ZNF469: variants seen among roughly 807,000 people sequenced by gnomAD.
ZNF469 encodes zinc finger protein 469.
A neutral mutation model predicts 1.0 loss-of-function variants in ZNF469; 1 was observed. The ratio of observed to expected loss-of-function variants is 1.00; its 90% CI spans 0.35 to 4.73. ZNF469 has a LOEUF of 4.73. Ranked by LOEUF, ZNF469 falls within the 30% of genes most tolerant of loss-of-function variation. The probability of loss-of-function intolerance (pLI) is 0.16; values close to 1 mark genes in which losing one functional copy is unlikely to be tolerated. For missense variants in ZNF469, 6,100 were observed against 5,356.3 expected (o/e 1.14, Z -4.33); for synonymous variants, 2,703 against 2,363.4 (o/e 1.14, Z -4.17).
chr16:88,432,582 G>T lies in ZNF469; in HGVS notation c.5112G>T (p.Lys1704Asn). 3.9e-6 allele frequency: 6 copies of T among 1,550,426 alleles called. No individual in the cohort carries two copies. The highest frequency in any genetic ancestry group is 5.2e-6 in the Non-Finnish European group (6 of 1,146,990). The change falls in exon 3 of 3, where the codon AAG becomes AAT. Residue 1704 changes from lysine to asparagine, a missense_variant. Lys to Asn is a moderately conservative substitution (Grantham distance 94). Transcript: ENST00000565624. ...FQPVQKAGAS[K>N]TGLCQAEGDS... ...CAGTGCAGAAAGCCGGAGCCTCCAAGACTGGACTTTGCCAGGCAGAAGGAG... is the reference window on the plus strand; with the variant it reads ...CAGTGCAGAAAGCCGGAGCCTCCAATACTGGACTTTGCCAGGCAGAAGGAG...
At chr16:88,361,547 T>G in the ZNF469 span, among the ~76,000 whole-genome samples, 4 of 151,742 alleles carry the variant, frequency 2.6e-5, no homozygotes, top group African/African-American at 9.8e-5. Context: ...TCTCTTTAAA[T>G]TATTTGCCCA....
chr16:88,229,638 T>TGTTGATGTAACGC, the ZNF469 span, among the ~76,000 whole-genome samples: 4 of 133,074 alleles, frequency 3.0e-5, no homozygotes, highest in Non-Finnish European at 6.2e-5. Context: ...GGATGTCACG[T>TGTTGATGTAACGC]GTGTGTGCTG....
chr16:88,433,737 C>G lies in ZNF469; in HGVS notation c.6267C>G (p.Ser2089Arg). The G allele has an allele frequency of 6.5e-7, 1 of 1,548,956 alleles. No individual in the cohort carries two copies. Among genetic ancestry groups the G allele is most frequent in the Non-Finnish European group, 8.7e-7 (1 of 1,146,844 alleles). ...SEGRTPERAS[S>R]PGLNKPLLAT... ...GCCGGACTCCAGAGAGGGCGTCCAG[C>G]CCCGGCCTGAACAAGCCACTGCTGG... is the stretch of plus-strand genomic sequence containing the variant. Residue 2089 changes from serine to arginine, a missense_variant, in exon 3 of 3, where the codon AGC becomes AGG. By Grantham distance (110) the Ser-to-Arg change is moderately radical (BLOSUM62 -1). Transcript: ENST00000565624.
chr16:88,159,288 A>G, the ZNF469 span, among the ~76,000 whole-genome samples: 1 of 151,904 alleles, frequency 6.6e-6, no homozygotes, highest in Non-Finnish European at 1.5e-5. Flanking sequence ...GATTGTCCAT[A>G]TGGTCTCAGG....
the ZNF469 span, among the ~76,000 whole-genome samples, chr16:88,376,172 C>T: frequency 3.3e-5 from 5 of 152,384 alleles, no homozygotes; most frequent in African/African-American, 1.2e-4. Context: ...CTTCGCCAGT[C>T]GCCCCAGCAA....
At chr16:88,348,420 A>G in the ZNF469 span, among the ~76,000 whole-genome samples, 1 of 151,804 alleles carries the variant, frequency 6.6e-6, no homozygotes, top group African/African-American at 2.4e-5. Flanking sequence ...ACCAGAAAAG[A>G]CTCTGGCTTC....
At chr16:88,103,676 T>C in the ZNF469 span, among the ~76,000 whole-genome samples, 3 of 151,712 alleles carry the variant, frequency 2.0e-5, no homozygotes, top group Non-Finnish European at 2.9e-5. Context: ...GTGGGGGCGG[T>C]AGAATAATCC....
At chr16:88,238,143 C>T in the ZNF469 span, among the ~76,000 whole-genome samples, 13 of 152,386 alleles carry the variant, frequency 8.5e-5, no homozygotes, top group African/African-American at 2.4e-4. Context: ...CTCTGTGCTC[C>T]GCCCCTCCCA....
the ZNF469 span, among the ~76,000 whole-genome samples, chr16:88,233,127 G>A: frequency 7.9e-5 from 12 of 152,226 alleles, no homozygotes; most frequent in African/African-American, 1.9e-4. Context: ...GTTCCTGTGT[G>A]GGGAACTGAG....
chr16:88,239,919 T>C, the ZNF469 span, among the ~76,000 whole-genome samples: 1 of 147,016 alleles, frequency 6.8e-6, no homozygotes, highest in African/African-American at 2.5e-5. Context: ...ATTTACATTA[T>C]TTCCAGCTTG....
chr16:88,179,932 G>A, the ZNF469 span, among the ~76,000 whole-genome samples: 6 of 152,182 alleles, frequency 3.9e-5, no homozygotes, highest in Non-Finnish European at 8.8e-5. Flanking sequence ...GTAGAATATT[G>A]TGTAATGGCA....
rs114240088 is a variant in ZNF469 at position 88,422,408 on chromosome 16, G to C, written c.-191-2399G>C. ...GGGTGAATGGGTGGGTGGATAGATG[G>C]GTGGACAAATGGTAAAAGGGTGGAT... On this transcript the variant is annotated intron_variant, in intron 1 of 2. Transcript: ENST00000565624. Among the ~76,000 whole-genome samples the C allele has an allele frequency of 2.7e-3, 393 of 146,454 alleles. 4 individuals are homozygous for C. Among genetic ancestry groups the C allele is most frequent in the African/African-American group, 9.6e-3 (378 of 39,574 alleles).
the ZNF469 span, among the ~76,000 whole-genome samples, chr16:88,324,901 C>A: frequency 6.6e-6 from 1 of 152,132 alleles, no homozygotes; most frequent in African/African-American, 2.4e-5. Flanking sequence ...AGAGGGTTGG[C>A]TCACAGTTCT....
At chr16:88,323,665 G>A in the ZNF469 span, among the ~76,000 whole-genome samples, 1 of 152,216 alleles carries the variant, frequency 6.6e-6, no homozygotes, top group African/African-American at 2.4e-5. Flanking sequence ...ACAGTGTAGA[G>A]GTATTGGGGG....
At chr16:88,131,498 C>G in the ZNF469 span, among the ~76,000 whole-genome samples, 2 of 151,678 alleles carry the variant, frequency 1.3e-5, no homozygotes, top group Non-Finnish European at 2.9e-5. Context: ...TAGAACCTCT[C>G]GGCGCTGCCT....
the ZNF469 span, among the ~76,000 whole-genome samples, chr16:88,299,844 C>T: frequency 1.3e-5 from 2 of 152,196 alleles, no homozygotes; most frequent in African/African-American, 4.8e-5. Flanking sequence ...CATGGGGGTT[C>T]CAGCCACTCT....
the ZNF469 span, among the ~76,000 whole-genome samples, chr16:88,353,771 G>T: frequency 6.6e-6 from 1 of 152,336 alleles, no homozygotes; most frequent in South Asian, 2.1e-4. Context: ...ATGAGCCCAG[G>T]ATGACGGAGG....
At chr16:88,386,527 A>AT (rs1461641807) in intron 1 of ZNF469, among the ~76,000 whole-genome samples, 1 of 151,954 alleles carries the variant, frequency 6.6e-6, no homozygotes. Context: ...CTGCAAGGCC[A>AT]TCCCCCTTGA....
chr16:88,197,506 A>T, the ZNF469 span, among the ~76,000 whole-genome samples: 3 of 152,222 alleles, frequency 2.0e-5, no homozygotes, highest in Non-Finnish European at 4.4e-5. Context: ...TGGGCCAAGG[A>T]ATTGGGATGG....
Sources: gnomAD v4.1 joint callset for allele counts (sites outside exome capture counted in the v4.1 genomes callset) on GRCh38, gnomAD v4.1.1 for gene constraint, MANE v1.5 for transcripts, NCBI Gene and HGNC (gene_info 2026-07-23, HGNC 2026-07-21) for gene names.